Variants in C10orf90 observed in about 807,000 individuals in gnomAD.
C10orf90 encodes the protein chromosome 10 open reading frame 90.
In C10orf90, 56 loss-of-function variants were observed where a neutral mutation model predicts 62.5. The observed-to-expected ratio is 0.90, with a 90% CI of 0.72 to 1.12. The LOEUF (loss-of-function observed/expected upper bound fraction) is 1.12. Ranked by LOEUF, C10orf90 falls within the 50% of genes most tolerant of loss-of-function variation. C10orf90 has a pLI of 0.00. For missense variants in C10orf90, 970 were observed against 880.4 expected (o/e 1.10, Z -1.29); for synonymous variants, 386 against 340.4 (o/e 1.13, Z -1.47).
At chr10:126,627,856 G>A (rs1039937075) in intron 2 of C10orf90, among the ~76,000 whole-genome samples, 2 of 152,192 alleles carry the variant, frequency 1.3e-5, no homozygotes, top group Non-Finnish European at 2.9e-5. Context: ...ATGTGTAGCT[G>A]GGACTATCGG....
chr10:126,482,051 T>A lies in C10orf90; in HGVS notation c.1535-17065A>T, dbSNP rs916594659. Among the ~76,000 whole-genome samples the A allele has an allele frequency of 8.9e-5, 13 of 146,210 alleles. No individual in the cohort carries two copies. In the East Asian group the frequency reaches 2.5e-3, roughly 28 times the overall value. Reference sequence around the variant, plus strand: ...CAGTCTATTACCATTGGCTCATACTTTTTTTGTCCAATCACATTTCTACAT... The same window carrying A: ...CAGTCTATTACCATTGGCTCATACTATTTTTGTCCAATCACATTTCTACAT... On this transcript the variant is annotated intron_variant, in intron 4 of 9. Transcript: ENST00000488181.
intron 2 of C10orf90, among the ~76,000 whole-genome samples, chr10:126,534,688 A>T (rs1013937494): frequency 6.6e-6 from 1 of 152,018 alleles, no homozygotes; most frequent in Non-Finnish European, 1.5e-5. Context: ...TCATTTTTCT[A>T]CTCCGTATGT....
At chr10:126,617,123 A>G (rs962616852) in intron 2 of C10orf90, among the ~76,000 whole-genome samples, 3 of 152,228 alleles carry the variant, frequency 2.0e-5, no homozygotes, top group African/African-American at 7.2e-5. Flanking sequence ...ACACATTGGG[A>G]ATAATTAAAT....
chr10:126,661,306 G>C (rs560901060), intron 1 of C10orf90, among the ~76,000 whole-genome samples: 2 of 152,244 alleles, frequency 1.3e-5, no homozygotes, highest in South Asian at 2.1e-4. Flanking sequence ...CAATTCCAAG[G>C]CTCAACCCTT....
chr10:126,517,908 C>CAAAAAAAAA (rs34182199), intron 2 of C10orf90, among the ~76,000 whole-genome samples: 1 of 80,840 alleles, frequency 1.2e-5, no homozygotes, highest in Non-Finnish European at 2.4e-5. Context: ...GACTCCATCT[C>CAAAAAAAAA]AAAAAAAAAA....
chr10:126,493,584 T>G (rs1433804678), intron 4 of C10orf90, among the ~76,000 whole-genome samples: 1 of 98,770 alleles, frequency 1.0e-5, no homozygotes, highest in African/African-American at 6.1e-5. Context: ...CTCGAACTTC[T>G]GACCGCAGGT....
intron 2 of C10orf90, among the ~76,000 whole-genome samples, chr10:126,560,103 T>A (rs918775464): frequency 2.2e-4 from 33 of 152,048 alleles, no homozygotes; most frequent in Non-Finnish European, 4.6e-4. Flanking sequence ...ACAATAAATA[T>A]TATATTTCTA....
chr10:126,621,044 A>G (rs1845634465), intron 2 of C10orf90, among the ~76,000 whole-genome samples: 1 of 152,224 alleles, frequency 6.6e-6, no homozygotes, highest in Non-Finnish European at 1.5e-5. Flanking sequence ...TAAGCATATT[A>G]CCAAAATTTA....
intron 2 of C10orf90, among the ~76,000 whole-genome samples, chr10:126,613,816 T>A (rs570785358): frequency 1.6e-4 from 25 of 152,288 alleles, no homozygotes; most frequent in African/African-American, 6.0e-4. Context: ...GCCTCTGGCT[T>A]ATGCATGAGC....
chr10:126,646,663 CA>C, intron 1 of C10orf90, 26 bp from the exon 2 acceptor site: 1 of 421,262 alleles, frequency 2.4e-6, no homozygotes, highest in Non-Finnish European at 4.7e-6. Context: ...AAATATTTCC[CA>C]ATTTCATATT....
intron 4 of C10orf90, among the ~76,000 whole-genome samples, chr10:126,474,255 C>T (rs1177423083): frequency 2.0e-5 from 3 of 152,136 alleles, no homozygotes; most frequent in Non-Finnish European, 4.4e-5. Flanking sequence ...GCCTCCATGA[C>T]CACGGGTGCT....
intron 2 of C10orf90, among the ~76,000 whole-genome samples, chr10:126,551,318 A>G (rs1475622230): frequency 1.3e-5 from 2 of 152,242 alleles, no homozygotes; most frequent in African/African-American, 4.8e-5. Context: ...CTCTGTGTGG[A>G]CTTGGTCCAC....
In C10orf90 at chr10:126,670,253, G is replaced by A; in HGVS notation, c.228C>T (p.Ala76=). 2.2e-6 allele frequency: 1 copy of A among 456,640 alleles called. No homozygotes were observed. 28.3% of individuals were successfully genotyped at this position (456,640 alleles called of 1,614,324 possible). ...CQGLKTAEQT[A]SRYEIHSRLF... ...GGCTCAGCCATACCTCATATCTGCT[G>A]GCTGTCTGCTCAGCCGTCTTCAAGC... Residue 76 remains alanine, a synonymous_variant, in exon 1 of 10, where the codon GCC becomes GCT. Transcript: ENST00000488181.
intron 2 of C10orf90, among the ~76,000 whole-genome samples, chr10:126,556,968 G>T (rs913065707): frequency 2.0e-5 from 3 of 149,920 alleles, no homozygotes; most frequent in Non-Finnish European, 4.4e-5. Context: ...GTTTCTATTA[G>T]GTTGGTGCAA....
chr10:126,588,654 A>G (rs1336603089), intron 2 of C10orf90, among the ~76,000 whole-genome samples: 1 of 152,218 alleles, frequency 6.6e-6, no homozygotes, highest in Non-Finnish European at 1.5e-5. Flanking sequence ...ACAGAAAGCA[A>G]CAACAACAAC....
intron 5 of C10orf90, among the ~76,000 whole-genome samples, chr10:126,464,041 G>A (rs1174395456): frequency 6.6e-6 from 1 of 152,202 alleles, no homozygotes; most frequent in Non-Finnish European, 1.5e-5. Flanking sequence ...TAGAATGATA[G>A]GAAATGTACA....
intron 2 of C10orf90, among the ~76,000 whole-genome samples, chr10:126,629,189 A>G (rs144022449): frequency 9.2e-5 from 14 of 152,340 alleles, no homozygotes; most frequent in Non-Finnish European, 1.2e-4. Flanking sequence ...AACGGCATTC[A>G]TTTACCATCA....
At chr10:126,459,815 A>G (rs999222181) in intron 6 of C10orf90, among the ~76,000 whole-genome samples, 3 of 152,144 alleles carry the variant, frequency 2.0e-5, no homozygotes, top group Admixed American at 6.5e-5. Flanking sequence ...AGAAGTCCCT[A>G]TGTCTCCACT....
intron 2 of C10orf90, among the ~76,000 whole-genome samples, chr10:126,620,743 G>GAA (rs35028354): frequency 1.0e-4 from 14 of 135,354 alleles, no homozygotes; most frequent in African/African-American, 3.5e-4. Flanking sequence ...GTGGGGGCTA[G>GAA]AAAAAAAAAA....
Sources: allele counts gnomAD v4.1 joint callset (sites outside exome capture counted in the v4.1 genomes callset), GRCh38; gene constraint gnomAD v4.1.1; transcripts MANE v1.5; gene names NCBI Gene and HGNC (gene_info 2026-07-23, HGNC 2026-07-21).